Variants in DCLRE1C observed in about 807,000 individuals in gnomAD.
The protein encoded by DCLRE1C is DNA cross-link repair 1C, also known as protein artemis.
Under a neutral mutation model 61.4 loss-of-function variants are expected in DCLRE1C, and 47 were observed. That is an observed-to-expected ratio of 0.77 (90% CI 0.61 to 0.98). The LOEUF (loss-of-function observed/expected upper bound fraction) is 0.98, where lower values mean the gene tolerates loss of function less well. Among genes scored for constraint, DCLRE1C ranks in the 50% least tolerant of loss-of-function variants. The probability of loss-of-function intolerance (pLI) is 0.00; values close to 1 mark genes in which losing one functional copy is unlikely to be tolerated. For synonymous variants in DCLRE1C, 337 were observed against 287.6 expected, an observed-to-expected ratio of 1.17 and a Z score of -1.74; for missense variants, 858 against 816.0, an observed-to-expected ratio of 1.05 and a Z score of -0.63.
intron 8 of DCLRE1C, 136 bp from the exon 9 acceptor site, chr10:14,933,091 T>G (rs1839298156): frequency 1.1e-6 from 1 of 937,090 alleles, no homozygotes; most frequent in African/African-American, 1.6e-5. Context: ...TTTTTGGCTA[T>G]TCAGTGCACT....
intron 3 of DCLRE1C, among the ~76,000 whole-genome samples, chr10:14,942,633 C>A (rs2131068982): frequency 6.6e-6 from 1 of 152,322 alleles, no homozygotes; most frequent in Non-Finnish European, 1.5e-5. Context: ...GAGGGCAGTG[C>A]AGTCCCTGAG....
At chr10:14,899,332 C>A in intron 13 of DCLRE1C, 2 of 692,238 alleles carry the variant, frequency 2.9e-6, no homozygotes, top group South Asian at 3.1e-5. Flanking sequence ...AAAAAAAGGT[C>A]ATCAGTCTTT....
chr10:14,923,141 G>A, intron 11 of DCLRE1C, 72 bp from the exon 12 acceptor site: 2 of 1,179,366 alleles, frequency 1.7e-6, no homozygotes, highest in Non-Finnish European at 1.3e-6. Flanking sequence ...ATAAAGGGAG[G>A]CTGGGGAAAG....
rs1446635855 is a variant in DCLRE1C at position 14,911,779 on chromosome 10, G to T, written c.1157-2449C>A. 2.0e-5 allele frequency among the ~76,000 whole-genome samples: 3 copies of T among 152,102 alleles called. No individual in the cohort carries two copies. In the East Asian group the frequency reaches 5.8e-4, roughly 29 times the overall value. On this transcript the variant is annotated intron_variant, in intron 13 of 13. Transcript: ENST00000378278. ...AGGTCAATAATCCAGTTGAAATGGG[G>T]GCAAAAGATCAGAATAGACATTTCA...
intron 12 of DCLRE1C, among the ~76,000 whole-genome samples, chr10:14,921,456 G>A (rs1472614295): frequency 6.6e-6 from 1 of 152,096 alleles, no homozygotes; most frequent in Non-Finnish European, 1.5e-5. Flanking sequence ...GTTGCCTCCT[G>A]TTGCCATCTT....
chr10:14,941,434 T>C (rs1458930153), intron 3 of DCLRE1C, among the ~76,000 whole-genome samples: 4 of 152,144 alleles, frequency 2.6e-5, no homozygotes, highest in Non-Finnish European at 5.9e-5. Flanking sequence ...ACAGGCACAC[T>C]CTACTATACC....
intron 13 of DCLRE1C, among the ~76,000 whole-genome samples, chr10:14,917,849 A>G (rs1236843033): frequency 6.6e-6 from 1 of 152,182 alleles, no homozygotes; most frequent in African/African-American, 2.4e-5. Context: ...AAAAATGAGT[A>G]AAGATTTGAA....
exon 14 of DCLRE1C, chr10:14,897,540 T>G (rs1320866882): frequency 2.0e-6 from 3 of 1,488,360 alleles, no homozygotes; most frequent in Non-Finnish European, 2.7e-6. Flanking sequence ...TGCCACGTAG[T>G]AAATGATGGA....
rs1172342746 is a variant in DCLRE1C, at chr10:14,909,261, T to G, written c.1226A>C (p.Glu409Ala). Reference sequence around the variant, plus strand: ...TGAAAATACCTCAGGGTGAAAAGTTTCCGGGTATGGAACTTTGTGCCTTAA... The same window carrying G: ...TGAAAATACCTCAGGGTGAAAAGTTGCCGGGTATGGAACTTTGTGCCTTAA... ...IPLRHKVPYP[E>A]TFHPEVFSMT... Residue 409 changes from glutamate (E) to alanine (A), a missense_variant, in exon 14 of 14, where the codon GAA (glutamate) becomes GCA (alanine). Transcript: ENST00000378278. The G allele has an allele frequency of 3.7e-6, 6 of 1,613,870 alleles. No individual in the cohort carries two copies. In the Admixed American group the frequency reaches 8.3e-5, roughly 22 times the overall value.
chr10:14,928,494 G>A (rs1838404411), intron 9 of DCLRE1C, among the ~76,000 whole-genome samples: 1 of 152,200 alleles, frequency 6.6e-6, no homozygotes, highest in South Asian at 2.1e-4. Flanking sequence ...TATTCTACAA[G>A]CTATAAAGGA....
Position 14,912,984 on chromosome 10 carries a change from T to C in DCLRE1C, c.1157-3654A>G, listed in dbSNP as rs1245598790. Among the ~76,000 whole-genome samples, 7 of 128,004 alleles carry C rather than the reference T, an allele frequency of 5.5e-5. No homozygotes were observed. In the Admixed American group the frequency reaches 5.9e-4, roughly 11 times the overall value. The allele number at this position is 128,004 out of a possible 152,430, so 84.0% of individuals were successfully genotyped here. A position where few individuals can be genotyped will look rare whatever the true frequency, so the allele number is the denominator to read the frequency against. On this transcript the variant is annotated intron_variant, in intron 13 of 13. Transcript: ENST00000378278. ...GGCGTGAGCCACTGTGCCTGGCCAA[T>C]AGCTGGGACTACAGGCGCCCGCCAC...
At chr10:14,917,341 A>G (rs1396455636) in intron 13 of DCLRE1C, among the ~76,000 whole-genome samples, 2 of 152,166 alleles carry the variant, frequency 1.3e-5, no homozygotes, top group Admixed American at 6.5e-5. Flanking sequence ...TGGGTCAAAG[A>G]TTTCTTAGAT....
chr10:14,907,536 T>C lies in DCLRE1C; in HGVS notation c.*872A>G, dbSNP rs1246785339. 2.0e-5 allele frequency among the ~76,000 whole-genome samples: 3 copies of C among 152,076 alleles called. No homozygotes were observed. Among genetic ancestry groups the C allele is most frequent in the Non-Finnish European group, 2.9e-5 (2 of 67,996 alleles). The stretch of plus-strand genomic sequence containing the variant: ...TTAATCCCTAGCTGTAATTGTGCAT[T>C]AGTTTGTCTCTTTTCAGCTGTTCTA... On this transcript the variant is annotated 3_prime_UTR_variant, in exon 14 of 14. Transcript: ENST00000378278.
At position 14,943,131 on chromosome 10, in the gene DCLRE1C, G is replaced by GA. The variant is rs972209221; in HGVS notation, c.246+1973dup. Among the ~76,000 whole-genome samples, 384 of 148,528 alleles carry GA rather than the reference G, an allele frequency of 2.6e-3. 1 individual carries two copies. The highest frequency in any genetic ancestry group is 4.0e-3 in the South Asian group (19 of 4,718). ...CAGAGTGAGACTATCTCAAAAAAAG[G>GA]AAAAAAAAAAGTAAACAGACTCTTT... On this transcript the variant is annotated intron_variant, in intron 3 of 13. Coordinates refer to ENST00000378278, the MANE Select transcript of DCLRE1C (RefSeq NM_001033855.3).
At chr10:14,910,153 A>G (rs1181870266) in intron 13 of DCLRE1C, among the ~76,000 whole-genome samples, 7 of 152,196 alleles carry the variant, frequency 4.6e-5, no homozygotes, top group Non-Finnish European at 4.4e-5. Flanking sequence ...AAAGGACCAT[A>G]GAGACCATTA....
Position 14,906,336 on chromosome 10 carries a change from G to T in DCLRE1C, c.*2072C>A, listed in dbSNP as rs1227355710. Among the ~76,000 whole-genome samples, 1 of 152,142 alleles carries T rather than the reference G, an allele frequency of 6.6e-6. No homozygotes were observed. The highest frequency in any genetic ancestry group is 1.5e-5 in the Non-Finnish European group (1 of 68,020). ...AATATAATTTCTGGTAATCACTATCGGTTTCTTGATCACATCTGTTGTAGT... is the reference window on the plus strand; with the variant it reads ...AATATAATTTCTGGTAATCACTATCTGTTTCTTGATCACATCTGTTGTAGT... On this transcript the variant is annotated 3_prime_UTR_variant, in exon 14 of 14. Transcript: ENST00000378278.
chr10:14,915,995 A>C lies in DCLRE1C; in HGVS notation c.1156+3743T>G, dbSNP rs190434827. Among the ~76,000 whole-genome samples, 33 of 152,344 alleles carry C rather than the reference A, an allele frequency of 2.2e-4. 1 individual carries two copies. In the East Asian group the frequency reaches 6.0e-3, roughly 28 times the overall value. On this transcript the variant is annotated intron_variant, in intron 13 of 13. Coordinates refer to ENST00000378278, the MANE Select transcript of DCLRE1C (RefSeq NM_001033855.3). ...CACCATATTAACAGAGTATAAAGAA[A>C]AACAATATGATCATCTCAACAAATA...
intron 13 of DCLRE1C, among the ~76,000 whole-genome samples, chr10:14,911,479 AATT>A (rs1835250814): frequency 6.6e-6 from 1 of 152,218 alleles, no homozygotes; most frequent in African/African-American, 2.4e-5. Context: ...TTCAAAAACA[AATT>A]ATCAGAAATT....
At chr10:14,931,911 G>A (rs923614862) in intron 9 of DCLRE1C, among the ~76,000 whole-genome samples, 2 of 152,124 alleles carry the variant, frequency 1.3e-5, no homozygotes, top group Non-Finnish European at 2.9e-5. Context: ...GTGCATGCCT[G>A]TAATCCCAGC....
Sources: gnomAD v4.1 joint callset for allele counts (sites outside exome capture counted in the v4.1 genomes callset) on GRCh38, gnomAD v4.1.1 for gene constraint, MANE v1.5 for transcripts, NCBI Gene and HGNC (gene_info 2026-07-23, HGNC 2026-07-21) for gene names.